COL8A1: variants seen among roughly 807,000 people sequenced by gnomAD.
COL8A1 encodes collagen alpha-1(VIII) chain.
A neutral mutation model predicts 42.7 loss-of-function variants in COL8A1; 21 were observed. That is an observed-to-expected ratio of 0.49 (90% CI 0.35 to 0.71). COL8A1 has a LOEUF of 0.71. Ranked by LOEUF, COL8A1 falls within the 30% of genes least tolerant of loss-of-function variation. The pLI, the probability that COL8A1 is intolerant of heterozygous loss-of-function variation, is 0.01. For synonymous variants in COL8A1, 367 were observed against 369.1 expected, an observed-to-expected ratio of 0.99 and a Z score of 0.06; for missense variants, 788 against 962.4, an observed-to-expected ratio of 0.82 and a Z score of 2.40.
At chr3:99,664,720 T>G (rs1938311250) in intron 1 of COL8A1, among the ~76,000 whole-genome samples, 1 of 152,164 alleles carries the variant, frequency 6.6e-6, no homozygotes, top group Non-Finnish European at 1.5e-5. Flanking sequence ...GACTAGCTTT[T>G]TAAAAATTGT....
intron 1 of COL8A1, among the ~76,000 whole-genome samples, chr3:99,695,046 A>G (rs1036358733): frequency 1.3e-5 from 2 of 152,210 alleles, no homozygotes; most frequent in African/African-American, 4.8e-5. Flanking sequence ...CAAATAATAA[A>G]TAAATTTTCC....
chr3:99,684,016 A>G lies in COL8A1; in HGVS notation c.-129+45352A>G, dbSNP rs572099941. Among the ~76,000 whole-genome samples the G allele has an allele frequency of 8.3e-4, 126 of 152,250 alleles. 1 individual carries two copies. Among genetic ancestry groups the G allele is most frequent in the African/African-American group, 2.8e-3 (116 of 41,534 alleles). ...CAGTTTTAGTGAATTGACTATGTAC[A>G]CTGTTCAGAGCGGTCAAGCAGGTCC... is the stretch of plus-strand genomic sequence containing the variant. On this transcript the variant is annotated intron_variant, in intron 1 of 3. Transcript: ENST00000652472.
intron 1 of COL8A1, among the ~76,000 whole-genome samples, chr3:99,724,861 G>T (rs934118681): frequency 6.6e-6 from 1 of 151,932 alleles, no homozygotes; most frequent in Non-Finnish European, 1.5e-5. Context: ...TGTGTATTGG[G>T]GAAAGAAAAG....
chr3:99,770,317 T>G (rs1327415126), intron 2 of COL8A1, among the ~76,000 whole-genome samples: 1 of 152,192 alleles, frequency 6.6e-6, no homozygotes, highest in Non-Finnish European at 1.5e-5. Flanking sequence ...ACCTTCTTGC[T>G]TCTGAGGTTT....
At position 99,794,368 on chromosome 3, in the gene COL8A1, G is replaced by C; in HGVS notation, c.467G>C (p.Gly156Ala). ...AAACCAGGGCCACAGGGATATCCAGGAGTTGGAAAGCCAGGTATGCCTGGA... is the reference window on the plus strand; with the variant it reads ...AAACCAGGGCCACAGGGATATCCAGCAGTTGGAAAGCCAGGTATGCCTGGA... ...KGKPGPQGYP[G>A]VGKPGMPGMP... Residue 156 changes from glycine (G) to alanine (A), a missense_variant, in exon 4 of 4, where the codon GGA (glycine) becomes GCA (alanine). This residue lies in a region of COL8A1 where 421 missense variants were observed against 553.1 expected (regional missense o/e 0.76). Transcript: ENST00000652472. This position sits in a 1 kb window ranked among gnomAD's most constrained non-coding sequence, Gnocchi z 4.3. 6.2e-7 allele frequency: 1 copy of C among 1,614,036 alleles called. No homozygotes were observed. The highest frequency in any genetic ancestry group is 8.5e-7 in the Non-Finnish European group (1 of 1,179,962).
chr3:99,708,760 C>A (rs1171758711), intron 1 of COL8A1, among the ~76,000 whole-genome samples: 3 of 152,068 alleles, frequency 2.0e-5, no homozygotes, highest in Non-Finnish European at 4.4e-5. Context: ...ATTATAACAC[C>A]AAATTTTGCT....
intron 1 of COL8A1, among the ~76,000 whole-genome samples, chr3:99,722,616 A>T (rs1287211876): frequency 6.6e-6 from 1 of 152,140 alleles, no homozygotes; most frequent in Non-Finnish European, 1.5e-5. Context: ...GAATACTTAG[A>T]ACATATTCAT....
intron 2 of COL8A1, among the ~76,000 whole-genome samples, chr3:99,759,211 C>T (rs1259742630): frequency 6.6e-6 from 1 of 151,870 alleles, no homozygotes; most frequent in African/African-American, 2.4e-5. Context: ...AGGAATCTCA[C>T]CAATCTTATT....
At chr3:99,649,144 C>G (rs1288458904) in intron 1 of COL8A1, among the ~76,000 whole-genome samples, 3 of 152,056 alleles carry the variant, frequency 2.0e-5, no homozygotes, top group Non-Finnish European at 4.4e-5. Context: ...ATCTTCCCCT[C>G]TGTGAGAACA....
intron 2 of COL8A1, among the ~76,000 whole-genome samples, chr3:99,760,519 A>C (rs1379575168): frequency 6.6e-6 from 1 of 152,202 alleles, no homozygotes; most frequent in Non-Finnish European, 1.5e-5. Flanking sequence ...GATAGATAGG[A>C]ATTTTTTTAT....
At chr3:99,773,837 A>ATATATATATATATATATTT (rs1200212756) in intron 2 of COL8A1, among the ~76,000 whole-genome samples, 7 of 45,402 alleles carry the variant, frequency 1.5e-4, no homozygotes, top group African/African-American at 2.6e-4. Context: ...ATATATATAT[A>ATATATATATATATATATTT]TTTTTTTTTT....
At chr3:99,720,901 AAT>A (rs1940131137) in intron 1 of COL8A1, among the ~76,000 whole-genome samples, 1 of 152,124 alleles carries the variant, frequency 6.6e-6, no homozygotes, top group Non-Finnish European at 1.5e-5. Flanking sequence ...AACTAAAGTG[AAT>A]GGGAGGAAAG....
chr3:99,778,018 A>G (rs1200720795), intron 2 of COL8A1, among the ~76,000 whole-genome samples: 1 of 152,238 alleles, frequency 6.6e-6, no homozygotes, highest in Admixed American at 6.5e-5. Flanking sequence ...ACAGAAATTC[A>G]TGGCAAGGAT....
At chr3:99,758,585 T>C (rs901173064) in intron 2 of COL8A1, among the ~76,000 whole-genome samples, 1 of 152,172 alleles carries the variant, frequency 6.6e-6, no homozygotes, top group Non-Finnish European at 1.5e-5. Flanking sequence ...TCAATCTTTA[T>C]GGGACATAAA....
At chr3:99,700,694 C>T (rs1939511582) in intron 1 of COL8A1, among the ~76,000 whole-genome samples, 1 of 152,092 alleles carries the variant, frequency 6.6e-6, no homozygotes, top group African/African-American at 2.4e-5. Flanking sequence ...GAAAAGATGA[C>T]TGTTTTTGAA....
At chr3:99,662,145 A>T (rs1377116957) in intron 1 of COL8A1, among the ~76,000 whole-genome samples, 1 of 152,144 alleles carries the variant, frequency 6.6e-6, no homozygotes, top group Non-Finnish European at 1.5e-5. Flanking sequence ...CTGGGAGGCC[A>T]AGGTGGGCAG....
chr3:99,687,315 C>A (rs573867508), intron 1 of COL8A1, among the ~76,000 whole-genome samples: 2 of 152,190 alleles, frequency 1.3e-5, no homozygotes, highest in African/African-American at 2.4e-5. Flanking sequence ...TCCTAATCTG[C>A]AAAATATTGA....
intron 1 of COL8A1, among the ~76,000 whole-genome samples, chr3:99,669,681 A>G (rs1378775587): frequency 6.6e-6 from 1 of 152,232 alleles, no homozygotes; most frequent in East Asian, 1.9e-4. Flanking sequence ...TATCCTACAT[A>G]ATAACCATAT....
intron 1 of COL8A1, among the ~76,000 whole-genome samples, chr3:99,639,522 T>TC (rs747612347): frequency 2.0e-5 from 3 of 152,172 alleles, no homozygotes; most frequent in African/African-American, 7.2e-5. Flanking sequence ...CCACCTTTTT[T>TC]CCCCCGCATT....
Sources: gnomAD v4.1 joint callset for allele counts (sites outside exome capture counted in the v4.1 genomes callset) on GRCh38, gnomAD v4.1.1 for gene constraint, gnomAD v4.1.1 regional missense constraint, Gnocchi (gnomAD v3.1) non-coding constraint, MANE v1.5 for transcripts, NCBI Gene and HGNC (gene_info 2026-07-23, HGNC 2026-07-21) for gene names.